The following CA1 variants were observed in gnomAD, a reference collection of about 807,000 sequenced individuals.
CA1 encodes the protein carbonate dehydratase I.
In CA1, 27 loss-of-function variants were observed where a neutral mutation model predicts 28.8. That is an observed-to-expected ratio of 0.94 (90% CI 0.69 to 1.29). The LOEUF is 1.29. Among genes scored for constraint, CA1 ranks in the 50% most tolerant of loss-of-function variants. The pLI, the probability that CA1 is intolerant of heterozygous loss-of-function variation, is 0.00. For synonymous variants in CA1, 121 were observed against 108.8 expected, an observed-to-expected ratio of 1.11 and a Z score of -0.70; for missense variants, 335 against 310.5, an observed-to-expected ratio of 1.08 and a Z score of -0.59.
chr8:85,375,324 C>G (rs1010107394), intron 1 of CA1, among the ~76,000 whole-genome samples: 1 of 152,074 alleles, frequency 6.6e-6, no homozygotes, highest in Admixed American at 6.6e-5. Flanking sequence ...AAGAAGGCTT[C>G]GGAGGGAAGA....
intron 1 of CA1, chr8:85,350,032 G>A (rs148176110): frequency 1.1e-4 from 16 of 152,212 alleles, no homozygotes; most frequent in Admixed American, 4.6e-4. Context: ...TATGCAAAAG[G>A]TTACTTGGGC....
At chr8:85,367,199 A>G (rs1810040796) in intron 1 of CA1, among the ~76,000 whole-genome samples, 2 of 152,128 alleles carry the variant, frequency 1.3e-5, no homozygotes, top group African/African-American at 4.8e-5. Context: ...AAAGTTTATA[A>G]GAGGAAAAGA....
chr8:85,362,652 G>A (rs114882719), intron 1 of CA1, among the ~76,000 whole-genome samples: 178 of 152,274 alleles, frequency 1.2e-3, no homozygotes, highest in African/African-American at 4.2e-3. Flanking sequence ...TAATTGTGGT[G>A]CGTAGGGGAA....
At chr8:85,370,783 T>C (rs1420330597) in intron 1 of CA1, among the ~76,000 whole-genome samples, 1 of 152,214 alleles carries the variant, frequency 6.6e-6, no homozygotes, top group Non-Finnish European at 1.5e-5. Context: ...GAAATTATTT[T>C]AATCAGTCCT....
chr8:85,344,252 T>C (rs1355460855), intron 1 of CA1, among the ~76,000 whole-genome samples: 1 of 99,038 alleles, frequency 1.0e-5, no homozygotes, highest in Non-Finnish European at 1.8e-5. Flanking sequence ...AATTATATAT[T>C]ATATACAGTA....
In CA1 at chr8:85,333,538, C is replaced by G. The variant is rs201784817; in HGVS notation, c.437G>C (p.Gly146Ala). The G allele has an allele frequency of 5.0e-5, 81 of 1,609,902 alleles. No homozygotes were observed. Among genetic ancestry groups the G allele is most frequent in the Non-Finnish European group, 6.9e-5 (81 of 1,176,638 alleles). The change falls in exon 5 of 8, where the codon GGT (glycine) becomes GCT (alanine). Residue 146 changes from glycine to alanine, a missense_variant. Transcript: ENST00000523022. ...TCTGTAACTCACCTTCATCAAAACACCAATAACTGCCAAACCATCAGCCTT... is the reference window on the plus strand; with the variant it reads ...TCTGTAACTCACCTTCATCAAAACAGCAATAACTGCCAAACCATCAGCCTT... The part of the protein sequence containing the change: ...ASKADGLAVI[G>A]VLMKVGEANP...
At chr8:85,332,058 C>A (rs1346966160) in intron 6 of CA1, among the ~76,000 whole-genome samples, 4 of 151,942 alleles carry the variant, frequency 2.6e-5, no homozygotes, top group African/African-American at 9.7e-5. Flanking sequence ...TCAAAAAATC[C>A]ATTTTTTTTG....
rs1207347151 is a variant in CA1 at position 85,336,834 on chromosome 8, G to A, written c.354+111C>T. ...TAATGGAAACTGGGAGTTCCTTACT[G>A]GAATACCCATTCCTTTGGAGTCATT... is the stretch of plus-strand genomic sequence containing the variant. On this transcript the variant is annotated intron_variant, in intron 4 of 7. Transcript: ENST00000523022. 7.7e-6 allele frequency: 6 copies of A among 775,522 alleles called. No individual in the cohort carries two copies. In the African/African-American group the frequency reaches 1.0e-4, roughly 13 times the overall value. 48.0% of individuals were successfully genotyped at this position (775,522 alleles called of 1,614,324 possible). A position where few individuals can be genotyped will look rare whatever the true frequency, so the allele number is the denominator to read the frequency against.
At chr8:85,335,595 A>G (rs781255980) in intron 4 of CA1, among the ~76,000 whole-genome samples, 5 of 152,168 alleles carry the variant, frequency 3.3e-5, no homozygotes, top group Non-Finnish European at 7.3e-5. Context: ...AAGAAGGTTT[A>G]TTGAACTGAA....
intron 6 of CA1, among the ~76,000 whole-genome samples, chr8:85,330,682 T>C (rs2130124141): frequency 6.6e-6 from 1 of 152,314 alleles, no homozygotes; most frequent in Non-Finnish European, 1.5e-5. Context: ...CATTAACTTT[T>C]ATCAAATGAT....
chr8:85,370,294 T>C (rs1012682554), intron 1 of CA1, among the ~76,000 whole-genome samples: 1 of 152,182 alleles, frequency 6.6e-6, no homozygotes, highest in Admixed American at 6.6e-5. Flanking sequence ...AAGTAAACTT[T>C]GTTCAGACTT....
chr8:85,357,331 A>G (rs915975624), intron 1 of CA1, among the ~76,000 whole-genome samples: 13 of 152,174 alleles, frequency 8.5e-5, no homozygotes, highest in Admixed American at 7.9e-4. Context: ...ATCCAGACTC[A>G]AGTAGGCCTG....
At chr8:85,357,104 T>G (rs1367613013) in intron 1 of CA1, among the ~76,000 whole-genome samples, 1 of 152,178 alleles carries the variant, frequency 6.6e-6, no homozygotes, top group African/African-American at 2.4e-5. Flanking sequence ...TCATAGTACA[T>G]GGAATAAATA....
In CA1 at chr8:85,338,370, G is replaced by T. The variant is rs1364803775; in HGVS notation, c.117C>A (p.Thr39=). 3 of 1,613,608 alleles carry T rather than the reference G, an allele frequency of 1.9e-6. No individual in the cohort carries two copies. The highest frequency in any genetic ancestry group is 2.5e-6 in the Non-Finnish European group (3 of 1,179,742). ...TAGGTTTCAGAGAGGTGTCATGTTT[G>T]GTTTCACTGGTTTTAATATCAACAG... is the stretch of plus-strand genomic sequence containing the variant. The part of the protein sequence containing the change: ...QSPVDIKTSE[T]KHDTSLKPIS... Residue 39 remains threonine, a synonymous_variant, in exon 3 of 8, where the codon ACC becomes ACA. Coordinates refer to ENST00000523022, the MANE Select transcript of CA1 (RefSeq NM_001128831.4).
chr8:85,360,522 T>A (rs964232185), intron 1 of CA1, among the ~76,000 whole-genome samples: 8 of 151,864 alleles, frequency 5.3e-5, no homozygotes, highest in African/African-American at 1.7e-4. Flanking sequence ...CAAAACCCCA[T>A]CTCTACTAAA....
chr8:85,329,603 G>T, intron 7 of CA1, 86 bp downstream of exon 7: 1 of 1,183,374 alleles, frequency 8.5e-7, no homozygotes, highest in Non-Finnish European at 1.2e-6. Flanking sequence ...AAAGCTGACT[G>T]AAATAATAAT....
intron 6 of CA1, 33 bp from the exon 7 acceptor site, chr8:85,329,877 T>C: frequency 1.3e-6 from 2 of 1,510,908 alleles, no homozygotes; most frequent in Non-Finnish European, 1.8e-6. Context: ...TACAGCATGA[T>C]ATAAAATACT....
Position 85,333,566 on chromosome 8 carries a change from A to T in CA1, c.409T>A (p.Ser137Thr). The change falls in exon 5 of 8, where the codon TCA (serine) becomes ACA (threonine). Residue 137 changes from serine to threonine, a missense_variant. Coordinates refer to ENST00000523022, the MANE Select transcript of CA1 (RefSeq NM_001128831.4). ...AKYSSLAEAA[S>T]KADGLAVIGV... ...ATAACTGCCAAACCATCAGCCTTTG[A>T]GGCAGCTTCAGCAAGGCTGGAGTAC... 6.2e-7 allele frequency: 1 copy of T among 1,612,978 alleles called. No individual in the cohort carries two copies. Among genetic ancestry groups the T allele is most frequent in the Non-Finnish European group, 8.5e-7 (1 of 1,179,200 alleles).
chr8:85,346,656 G>A (rs1481221441), intron 1 of CA1, among the ~76,000 whole-genome samples: 3 of 152,116 alleles, frequency 2.0e-5, no homozygotes, highest in East Asian at 1.9e-4. Context: ...TAGCTACTCG[G>A]GAGGCTGAGG....
Sources: gnomAD v4.1 joint callset for allele counts (sites outside exome capture counted in the v4.1 genomes callset) on GRCh38, gnomAD v4.1.1 for gene constraint, MANE v1.5 for transcripts, NCBI Gene and HGNC (gene_info 2026-07-23, HGNC 2026-07-21) for gene names.